ABAT: variants seen among roughly 807,000 people sequenced by gnomAD.
The protein encoded by ABAT is 4-aminobutyrate aminotransferase, mitochondrial.
A neutral mutation model predicts 64.6 loss-of-function variants in ABAT; 45 were observed. The observed-to-expected ratio is 0.70, with a 90% CI of 0.55 to 0.89. The LOEUF (loss-of-function observed/expected upper bound fraction) is 0.89, where lower values mean the gene tolerates loss of function less well. Ranked by LOEUF, ABAT falls within the 40% of genes least tolerant of loss-of-function variation. The pLI is 0.00. For synonymous variants in ABAT, 297 were observed against 250.5 expected (o/e 1.19, Z -1.75); for missense variants, 633 against 658.4 (o/e 0.96, Z 0.42).
At chr16:8,729,619 G>C (rs2058659967) in intron 1 of ABAT, among the ~76,000 whole-genome samples, 1 of 151,986 alleles carries the variant, frequency 6.6e-6, no homozygotes, top group Non-Finnish European at 1.5e-5. Context: ...AGGAGTTTGA[G>C]ACCAGCCTGG....
At chr16:8,766,187 T>C (rs2059937768) in intron 8 of ABAT, 21 bp from the exon 9 acceptor site, 3 of 1,613,280 alleles carry the variant, frequency 1.9e-6, no homozygotes, top group Non-Finnish European at 2.5e-6. Flanking sequence ...TCTGAGATTT[T>C]GTTCTGTTCT....
At chr16:8,780,470 G>A (rs75511680) in intron 15 of ABAT, 1 of 153,900 alleles carries the variant, frequency 6.5e-6, no homozygotes, top group South Asian at 2.0e-4. Flanking sequence ...TGGTCTCAAA[G>A]GCATAAACAG....
intron 5 of ABAT, among the ~76,000 whole-genome samples, chr16:8,750,941 T>G (rs1300446056): frequency 7.3e-6 from 1 of 137,634 alleles, no homozygotes; most frequent in African/African-American, 2.8e-5. Context: ...CCTTTTTCCC[T>G]GCTTTTTTTT....
chr16:8,756,630 C>G (rs142497630), intron 5 of ABAT, among the ~76,000 whole-genome samples: 1 of 152,344 alleles, frequency 6.6e-6, no homozygotes, highest in Non-Finnish European at 1.5e-5. Context: ...TAAGCATACA[C>G]ATATCCTGTG....
intron 12 of ABAT, among the ~76,000 whole-genome samples, chr16:8,773,976 T>A (rs1489580013): frequency 1.3e-5 from 2 of 152,234 alleles, no homozygotes; most frequent in Admixed American, 6.5e-5. Flanking sequence ...TTGCCCAGGC[T>A]GGAGTGCAGT....
intron 2 of ABAT, among the ~76,000 whole-genome samples, chr16:8,739,504 G>C (rs918009935): frequency 6.6e-6 from 1 of 152,090 alleles, no homozygotes. Context: ...GATCACCTGA[G>C]GTCAGGAGTT....
At chr16:8,772,250 CTCTGTGTGTGTGTGTGTGTGTG>C (rs1200173318) in intron 11 of ABAT, among the ~76,000 whole-genome samples, 1 of 97,818 alleles carries the variant, frequency 1.0e-5, no homozygotes, top group East Asian at 3.1e-4. Flanking sequence ...TTCTCTCTGT[CTCTGTGTGTGTGTGTGTGTGTG>C]TGTGTGTGTG....
intron 1 of ABAT, among the ~76,000 whole-genome samples, chr16:8,701,776 C>G (rs1472070034): frequency 6.6e-6 from 1 of 152,134 alleles, no homozygotes; most frequent in Non-Finnish European, 1.5e-5. Context: ...GAAAATCAGA[C>G]AGCCAAGACC....
At chr16:8,753,215 T>A (rs372754100) in intron 5 of ABAT, among the ~76,000 whole-genome samples, 13 of 152,012 alleles carry the variant, frequency 8.6e-5, no homozygotes, top group African/African-American at 3.1e-4. Context: ...TGCCTCAGCT[T>A]CCCAAGTAGC....
At chr16:8,726,129 G>C (rs115439606) in intron 1 of ABAT, among the ~76,000 whole-genome samples, 6 of 151,960 alleles carry the variant, frequency 3.9e-5, no homozygotes, top group South Asian at 4.1e-4. Context: ...CTCTATGCCC[G>C]TGACTTCAAT....
intron 6 of ABAT, 109 bp downstream of exon 6, chr16:8,757,915 A>G (rs548659110): frequency 8.1e-7 from 1 of 1,230,064 alleles, no homozygotes; most frequent in African/African-American, 1.5e-5. Flanking sequence ...TCATTCCATA[A>G]ATATGTATTG....
At position 8,782,420 on chromosome 16, in the gene ABAT, G is replaced by C. The variant is rs4985000; in HGVS notation, c.*990G>C. On this transcript the variant is annotated 3_prime_UTR_variant, in exon 16 of 16. Coordinates refer to ENST00000268251, the MANE Select transcript of ABAT (RefSeq NM_020686.6). ...TTGCTCATCCACCTTCACACCACTT[G>C]TGAGCTGACCCCCAGGAACAGCTTG... The C allele has an allele frequency of 0.62, 94,846 of 152,150 alleles. 29,790 individuals are homozygous for C. The highest frequency in any genetic ancestry group is 0.72 in the Middle Eastern group (212 of 296). The allele number at this position is 152,150 out of a possible 1,614,324, so 9.4% of individuals were successfully genotyped here.
chr16:8,770,586 A>C (rs1044202560), intron 11 of ABAT, among the ~76,000 whole-genome samples: 1 of 152,048 alleles, frequency 6.6e-6, no homozygotes, highest in Non-Finnish European at 1.5e-5. Flanking sequence ...ACTAAGGCAC[A>C]TGACACCACC....
intron 2 of ABAT, among the ~76,000 whole-genome samples, chr16:8,741,509 T>C (rs1051635321): frequency 6.6e-5 from 10 of 152,104 alleles, no homozygotes; most frequent in African/African-American, 9.7e-5. Flanking sequence ...CTCATAGGAG[T>C]TTGTGAGAAT....
At chr16:8,710,727 A>AGAGACAGGGAGAGGGAGG (rs146344975) in intron 1 of ABAT, among the ~76,000 whole-genome samples, 2 of 103,700 alleles carry the variant, frequency 1.9e-5, no homozygotes, top group South Asian at 8.0e-4. Flanking sequence ...AGAGAGAGAG[A>AGAGACAGGGAGAGGGAGG]GAGGAAATAG....
chr16:8,677,975 C>A lies in ABAT; in HGVS notation c.-42+3264C>A, dbSNP rs116227081. Among the ~76,000 whole-genome samples, 1,188 of 151,990 alleles carry A rather than the reference C, an allele frequency of 7.8e-3. 17 individuals carry two copies. The highest frequency in any genetic ancestry group is 0.027 in the African/African-American group (1,113 of 41,456). On this transcript the variant is annotated intron_variant, in intron 1 of 15. Coordinates refer to ENST00000268251, the MANE Select transcript of ABAT (RefSeq NM_020686.6). Reference sequence around the variant, plus strand: ...CTGGGAGGCTGAGGTGGGGGGATTGCTTGAGCCCGGGGAGGTCGAAGCTGC... The same window carrying A: ...CTGGGAGGCTGAGGTGGGGGGATTGATTGAGCCCGGGGAGGTCGAAGCTGC...
intron 2 of ABAT, among the ~76,000 whole-genome samples, chr16:8,743,711 G>A (rs1169266725): frequency 7.1e-6 from 1 of 140,462 alleles, no homozygotes; most frequent in African/African-American, 2.6e-5. Context: ...AGTTATATAT[G>A]TAGTTATATA....
At chr16:8,750,871 G>T (rs2059460367) in intron 5 of ABAT, among the ~76,000 whole-genome samples, 1 of 151,880 alleles carries the variant, frequency 6.6e-6, no homozygotes, top group Non-Finnish European at 1.5e-5. Flanking sequence ...TGACCACAGT[G>T]GCACCCAGGT....
Position 8,724,516 on chromosome 16 carries a change from G to C in ABAT, c.-41-11183G>C, listed in dbSNP as rs1205360152. ...GGAGGCCAAGGTGGGAGGACTGCTT[G>C]AGCCCAGGAGTTCAAGATCAGCCTG... On this transcript the variant is annotated intron_variant, in intron 1 of 15. Coordinates refer to ENST00000268251, the MANE Select transcript of ABAT (RefSeq NM_020686.6). Among the ~76,000 whole-genome samples, 2 of 152,072 alleles carry C rather than the reference G, an allele frequency of 1.3e-5. 1 individual carries two copies. Among genetic ancestry groups the C allele is most frequent in the East Asian group, 3.9e-4 (2 of 5,174 alleles).
Sources: allele counts gnomAD v4.1 joint callset (sites outside exome capture counted in the v4.1 genomes callset), GRCh38; gene constraint gnomAD v4.1.1; transcripts MANE v1.5; gene names NCBI Gene and HGNC (gene_info 2026-07-23, HGNC 2026-07-21).